The following CLIC2 variants were observed in gnomAD, a reference collection of about 807,000 sequenced individuals.
The protein encoded by CLIC2 is CLIC family member 2.
In CLIC2, 9 loss-of-function variants were observed where a neutral mutation model predicts 14.8. The observed-to-expected ratio is 0.61, with a 90% CI of 0.37 to 1.06. The LOEUF (loss-of-function observed/expected upper bound fraction) is 1.06. CLIC2 is among the 50% of genes least tolerant of loss of function. CLIC2 has a pLI of 0.01. For synonymous variants in CLIC2, 61 were observed against 66.3 expected (o/e 0.92, Z 0.39); for missense variants, 148 against 181.4 (o/e 0.82, Z 1.06).
At chrX:155,297,780 A>C (rs1448827723) in intron 3 of CLIC2, among the ~76,000 whole-genome samples, 1 of 96,041 alleles carries the variant, frequency 1.0e-5, no homozygotes, top group African/African-American at 3.8e-5. Context: ...CGTGAACCCG[A>C]GACCCGAGAG....
chrX:155,317,886 C>G (rs1227530866), intron 1 of CLIC2, among the ~76,000 whole-genome samples: 1 of 111,878 alleles, frequency 8.9e-6, no homozygotes, highest in Non-Finnish European at 1.9e-5. Flanking sequence ...ACCAGGGATG[C>G]AGGGATGGTT....
rs2075004251 is a variant in CLIC2, at chrX:155,298,805, T to C, written c.273A>G (p.Glu91=). 1 of 1,208,105 alleles carries C rather than the reference T, an allele frequency of 8.3e-7. No individual in the cohort carries two copies. Among genetic ancestry groups the C allele is most frequent in the Non-Finnish European group, 1.1e-6 (1 of 893,812 alleles). The stretch of plus-strand genomic sequence containing the variant: ...TGTACCTTGGAGGAGCCAGGGTTTG[T>C]TCTAAAAACTCCTCAATTTTAATGA... ...TDFIKIEEFL[E]QTLAPPRYPH... Residue 91 remains glutamate, a synonymous_variant, in exon 3 of 6, where the codon GAA becomes GAG. Coordinates refer to ENST00000369449, the MANE Select transcript of CLIC2 (RefSeq NM_001289.6).
chrX:155,326,868 T>G lies in CLIC2; in HGVS notation c.57+7503A>C. 1.8e-5 allele frequency among the ~76,000 whole-genome samples: 2 copies of G among 111,776 alleles called. 1 individual carries two copies. The highest frequency in any genetic ancestry group is 9.3e-3 in the Middle Eastern group (2 of 216). On this transcript the variant is annotated intron_variant, in intron 1 of 5. Transcript: ENST00000369449. Reference sequence around the variant, plus strand: ...GATATACTGTTTTATTCCATTTACGTAACATTCTTGACATGATAAAATTAT... The same window carrying G: ...GATATACTGTTTTATTCCATTTACGGAACATTCTTGACATGATAAAATTAT...
chrX:155,292,478 C>A (rs2074971573), intron 3 of CLIC2: 2 of 647,506 alleles, frequency 3.1e-6, no homozygotes, highest in Non-Finnish European at 5.1e-6. Context: ...AAGTTGAAGC[C>A]AGTAAAGTGC....
intron 1 of CLIC2, among the ~76,000 whole-genome samples, chrX:155,311,643 A>G (rs964033795): frequency 2.7e-5 from 3 of 111,853 alleles, no homozygotes; most frequent in Admixed American, 1.9e-4. Context: ...TCTTTTAAGT[A>G]GCACCCTATT....
chrX:155,305,122 T>C (rs781845644), intron 1 of CLIC2, among the ~76,000 whole-genome samples: 1,451 of 112,170 alleles, frequency 0.013, 19 homozygotes, highest in African/African-American at 0.028. Flanking sequence ...TTCGAGCTTC[T>C]GGGCTGCTTT....
chrX:155,318,081 G>A lies in CLIC2; in HGVS notation c.57+16290C>T, dbSNP rs192956680. On this transcript the variant is annotated intron_variant, in intron 1 of 5. Transcript: ENST00000369449. ...TAAGGTAATAAAGGCCATCTATGAC[G>A]AACCCATAGCCAACGTTATACTGAA... 2.1e-3 allele frequency among the ~76,000 whole-genome samples: 237 copies of A among 111,565 alleles called. 2 individuals are homozygous for A. Among genetic ancestry groups the A allele is most frequent in the African/African-American group, 7.4e-3 (226 of 30,748 alleles).
At position 155,305,133 on chromosome X, in the gene CLIC2, G is replaced by A. The variant is rs183457651; in HGVS notation, c.58-5988C>T. Among the ~76,000 whole-genome samples, 771 of 112,358 alleles carry A rather than the reference G, an allele frequency of 6.9e-3. 7 individuals carry two copies. Among genetic ancestry groups the A allele is most frequent in the African/African-American group, 0.024 (730 of 31,010 alleles). On this transcript the variant is annotated intron_variant, in intron 1 of 5. Transcript: ENST00000369449. Reference sequence around the variant, plus strand: ...CCAGTTCGAGCTTCTGGGCTGCTTTGTTTACCTAATCAAGCCTGGGCAATG... The same window carrying A: ...CCAGTTCGAGCTTCTGGGCTGCTTTATTTACCTAATCAAGCCTGGGCAATG...
intron 1 of CLIC2, among the ~76,000 whole-genome samples, chrX:155,305,441 G>A (rs1277196221): frequency 1.2e-4 from 14 of 112,222 alleles, no homozygotes; most frequent in Non-Finnish European, 2.1e-4. Flanking sequence ...GCTCGCGCAC[G>A]GTGCACGCAC....
At chrX:155,288,149 G>A (rs1437427152) in intron 3 of CLIC2, among the ~76,000 whole-genome samples, 1 of 111,659 alleles carries the variant, frequency 9.0e-6, no homozygotes, top group South Asian at 3.7e-4. Context: ...AGGACCTATT[G>A]GGTTGAGAGT....
At chrX:155,290,856 G>A (rs2074961900) in intron 3 of CLIC2, 2 of 652,203 alleles carry the variant, frequency 3.1e-6, no homozygotes, top group Non-Finnish European at 5.2e-6. Context: ...ACTCCTTGTA[G>A]TGTTTGATGC....
rs1235677950 is a variant in CLIC2, at chrX:155,276,699, C to T, written c.*1204G>A. The T allele has an allele frequency of 8.9e-6, 1 of 112,056 alleles. No homozygotes were observed. Among genetic ancestry groups the T allele is most frequent in the Admixed American group, 9.5e-5 (1 of 10,534 alleles). The allele number at this position is 112,056 out of a possible 1,213,427, so 9.2% of individuals were successfully genotyped here. ...TTTCATTTAACATTTCAAATGTATT[C>T]TATCAATTGTAACTTGCTAGTGCAT... On this transcript the variant is annotated 3_prime_UTR_variant, in exon 6 of 6. Transcript: ENST00000369449.
intron 5 of CLIC2, 130 bp downstream of exon 5, chrX:155,279,019 A>G: frequency 1.8e-6 from 1 of 561,278 alleles, no homozygotes; most frequent in Non-Finnish European, 3.2e-6. Flanking sequence ...AGAGATGTAT[A>G]TAGTACACAT....
At position 155,287,791 on chromosome X, in the gene CLIC2, ATTGT is replaced by A. The variant is rs2074948303; in HGVS notation, c.294-7727_294-7724del. ...TTTTTCTAGTTCTGTGAAGAATGTC[ATTGT>A]TAGTTTGTTAGAAATAACACTGAAT... is the stretch of plus-strand genomic sequence containing the variant. On this transcript the variant is annotated intron_variant, in intron 3 of 5. Coordinates refer to ENST00000369449, the MANE Select transcript of CLIC2 (RefSeq NM_001289.6). Among the ~76,000 whole-genome samples the A allele has an allele frequency of 8.9e-5, 10 of 112,203 alleles. No individual in the cohort carries two copies. The South Asian group carries it at 3.7e-3, about 41-fold the overall frequency.
chrX:155,298,990 T>A (rs782807344), intron 2 of CLIC2, 46 bp downstream of exon 2: 1 of 1,166,758 alleles, frequency 8.6e-7, no homozygotes, highest in Admixed American at 2.2e-5. Context: ...TATTGGTATC[T>A]ACCAATCTCA....
intron 4 of CLIC2, 35 bp downstream of exon 4, chrX:155,279,927 A>T: frequency 1.1e-6 from 1 of 942,029 alleles, no homozygotes; most frequent in Non-Finnish European, 1.5e-6. Flanking sequence ...ATGAAGAGTG[A>T]GAGAAAAATA....
chrX:155,280,150 T>C, intron 3 of CLIC2, 82 bp from the exon 4 acceptor site: 1 of 605,676 alleles, frequency 1.7e-6, no homozygotes, highest in Non-Finnish European at 2.8e-6. Context: ...ATACTGAAAA[T>C]GGAAGTTCTG....
intron 3 of CLIC2, among the ~76,000 whole-genome samples, chrX:155,295,951 T>C (rs1557318288): frequency 9.0e-6 from 1 of 111,530 alleles, no homozygotes; most frequent in Non-Finnish European, 1.9e-5. Context: ...CAAAGTAACC[T>C]ACAGATTCAA....
At chrX:155,330,614 G>A (rs2075153532) in intron 1 of CLIC2, among the ~76,000 whole-genome samples, 1 of 111,566 alleles carries the variant, frequency 9.0e-6, no homozygotes, top group Admixed American at 9.6e-5. Flanking sequence ...GCTTTTTAAA[G>A]TATTTTGTCA....
Sources: gnomAD v4.1 joint callset for allele counts (sites outside exome capture counted in the v4.1 genomes callset) on GRCh38, gnomAD v4.1.1 for gene constraint, MANE v1.5 for transcripts, NCBI Gene and HGNC (gene_info 2026-07-23, HGNC 2026-07-21) for gene names.